The following ZNF469 variants were observed in gnomAD, a reference collection of about 807,000 sequenced individuals.
ZNF469 encodes zinc finger protein 469.
A neutral mutation model predicts 1.0 loss-of-function variants in ZNF469; 1 was observed. The ratio of observed to expected loss-of-function variants is 1.00; its 90% CI spans 0.35 to 4.73. The LOEUF is 4.73. Ranked by LOEUF, ZNF469 falls within the 30% of genes most tolerant of loss-of-function variation. The probability of loss-of-function intolerance (pLI) is 0.16; values close to 1 mark genes in which losing one functional copy is unlikely to be tolerated. For synonymous variants in ZNF469, 2,703 were observed against 2,363.4 expected (o/e 1.14, Z -4.17); for missense variants, 6,100 against 5,356.3 (o/e 1.14, Z -4.33).
the ZNF469 span, among the ~76,000 whole-genome samples, chr16:88,260,994 G>T: frequency 6.6e-6 from 1 of 152,202 alleles, no homozygotes; most frequent in Admixed American, 6.5e-5. The surrounding 1 kb of genome is among the most constrained non-coding windows in gnomAD (Gnocchi z 4.1). Flanking sequence ...CAGAAACACG[G>T]CGGAGAGGAT....
chr16:88,165,599 C>CT, the ZNF469 span, among the ~76,000 whole-genome samples: 5 of 152,206 alleles, frequency 3.3e-5, no homozygotes, highest in African/African-American at 1.2e-4. Flanking sequence ...AGCACGCTAA[C>CT]TTTTTTCCAA....
chr16:88,189,610 G>C, the ZNF469 span, among the ~76,000 whole-genome samples: 1 of 152,188 alleles, frequency 6.6e-6, no homozygotes, highest in Admixed American at 6.5e-5. This position sits in a 1 kb window ranked among gnomAD's most constrained non-coding sequence, Gnocchi z 4.3. Context: ...TGTTTTCTGT[G>C]CTAATTGTTG....
chr16:88,302,449 G>A, the ZNF469 span: 3 of 152,144 alleles, frequency 2.0e-5, no homozygotes, highest in South Asian at 2.1e-4. Flanking sequence ...CCGGAAGCGC[G>A]GCCCACCCTG....
At chr16:88,251,108 C>G in the ZNF469 span, among the ~76,000 whole-genome samples, 1 of 152,172 alleles carries the variant, frequency 6.6e-6, no homozygotes, top group South Asian at 2.1e-4. Flanking sequence ...AAATTCCTGA[C>G]CTCAGGTGAT....
rs745468033 is a variant in ZNF469, at chr16:88,436,069, G to T, written c.8599G>T (p.Gly2867Cys). ...VSFSQLFPPG[G>C]RLTRKRNPHV... ...TTTCTCCCAGCTCTTCCCTCCAGGCGGTCGCTTGACTAGAAAGAGGAACCC... is the reference window on the plus strand; with the variant it reads ...TTTCTCCCAGCTCTTCCCTCCAGGCTGTCGCTTGACTAGAAAGAGGAACCC... Residue 2867 changes from glycine (G) to cysteine (C), a missense_variant, in exon 3 of 3, where the codon GGT becomes TGT. By Grantham distance (159) the Gly-to-Cys change is radical. Transcript: ENST00000565624. 3 of 1,549,990 alleles carry T rather than the reference G, an allele frequency of 1.9e-6. No homozygotes were observed. The highest frequency in any genetic ancestry group is 2.7e-5 in the African/African-American group (2 of 73,062).
the ZNF469 span, among the ~76,000 whole-genome samples, chr16:88,342,895 G>A: frequency 6.6e-6 from 1 of 152,230 alleles, no homozygotes; most frequent in Non-Finnish European, 1.5e-5. Context: ...TTGGGTGGTG[G>A]GTCCCTGTGG....
At chr16:88,114,184 A>C in the ZNF469 span, among the ~76,000 whole-genome samples, 3 of 144,818 alleles carry the variant, frequency 2.1e-5, no homozygotes, top group Non-Finnish European at 4.6e-5. Flanking sequence ...TCGGGGGAGA[A>C]TGACAGGGAC....
the ZNF469 span, among the ~76,000 whole-genome samples, chr16:88,333,544 C>T: frequency 6.6e-6 from 1 of 151,152 alleles, no homozygotes; most frequent in Non-Finnish European, 1.5e-5. Flanking sequence ...GTGGAGAAGG[C>T]TCGGACTTGC....
intron 1 of ZNF469, among the ~76,000 whole-genome samples, chr16:88,397,886 C>T (rs893467980): frequency 6.6e-6 from 1 of 152,204 alleles, no homozygotes; most frequent in South Asian, 2.1e-4. Flanking sequence ...AAGAGAGGAA[C>T]TCAGCTTTTG....
the ZNF469 span, among the ~76,000 whole-genome samples, chr16:88,298,064 A>C: frequency 6.6e-6 from 1 of 152,194 alleles, no homozygotes; most frequent in Non-Finnish European, 1.5e-5. Flanking sequence ...TCATCTTTTC[A>C]GTTTATGAAT....
the ZNF469 span, among the ~76,000 whole-genome samples, chr16:88,257,807 A>G: frequency 1.3e-5 from 2 of 152,196 alleles, no homozygotes; most frequent in Admixed American, 1.3e-4. Context: ...ACCCCAGACC[A>G]TGCTTCTATC....
At chr16:88,167,818 C>G in the ZNF469 span, among the ~76,000 whole-genome samples, 1 of 152,260 alleles carries the variant, frequency 6.6e-6, no homozygotes, top group South Asian at 2.1e-4. Flanking sequence ...GAGGGATTCT[C>G]TGCACCGCTC....
At chr16:88,372,351 C>T in the ZNF469 span, among the ~76,000 whole-genome samples, 2 of 133,116 alleles carry the variant, frequency 1.5e-5, no homozygotes. Context: ...CCATCACCAT[C>T]GTCACCATCG....
chr16:88,104,660 G>A, the ZNF469 span, among the ~76,000 whole-genome samples: 8 of 152,338 alleles, frequency 5.3e-5, no homozygotes, highest in East Asian at 7.7e-4. Context: ...CACCCCAGAT[G>A]TTCTTGTCTG....
In ZNF469 at chr16:88,439,653, C is replaced by T. The variant is rs367997421; in HGVS notation, c.*321C>T. The T allele has an allele frequency of 2.7e-6, 1 of 371,322 alleles. No individual in the cohort carries two copies. Among genetic ancestry groups the T allele is most frequent in the South Asian group, 2.9e-5 (1 of 34,230 alleles). 23.0% of individuals were successfully genotyped at this position (371,322 alleles called of 1,614,324 possible). A position where few individuals can be genotyped will look rare whatever the true frequency, so the allele number is the denominator to read the frequency against. ...AGCCCACACCCCTGCGCCCTGTGGG[C>T]ACCGACACCACAGAAGCCAATGTTT... On this transcript the variant is annotated 3_prime_UTR_variant, in exon 3 of 3. Transcript: ENST00000565624.
At chr16:88,290,232 G>A in the ZNF469 span, among the ~76,000 whole-genome samples, 2 of 152,234 alleles carry the variant, frequency 1.3e-5, no homozygotes, top group African/African-American at 4.8e-5. Flanking sequence ...CAGATTTCCT[G>A]TGCAGCTGAT....
the ZNF469 span, among the ~76,000 whole-genome samples, chr16:88,145,007 G>T: frequency 6.6e-6 from 1 of 151,604 alleles, no homozygotes; most frequent in Admixed American, 6.6e-5. Context: ...CCACCATGAC[G>T]CCCAGCTAAT....
At chr16:88,373,643 C>T in the ZNF469 span, among the ~76,000 whole-genome samples, 1 of 152,170 alleles carries the variant, frequency 6.6e-6, no homozygotes, top group African/African-American at 2.4e-5. Flanking sequence ...ACATCACAGT[C>T]ACATTGGGTT....
the ZNF469 span, among the ~76,000 whole-genome samples, chr16:88,245,736 C>T: frequency 2.0e-5 from 3 of 152,400 alleles, no homozygotes; most frequent in East Asian, 3.9e-4. Context: ...TCAGATCACA[C>T]GGTGGGCAGG....
Sources: allele counts gnomAD v4.1 joint callset (sites outside exome capture counted in the v4.1 genomes callset), GRCh38; gene constraint gnomAD v4.1.1; non-coding constraint Gnocchi (gnomAD v3.1); transcripts MANE v1.5; gene names NCBI Gene and HGNC (gene_info 2026-07-23, HGNC 2026-07-21).